The following OPCML variants were observed in gnomAD, a reference collection of about 807,000 sequenced individuals.
OPCML encodes opioid-binding protein/cell adhesion molecule.
OPCML carries 13 observed loss-of-function variants against 37.8 expected under a neutral mutation model. The observed-to-expected ratio is 0.34, with a 90% CI of 0.22 to 0.55. The LOEUF is 0.55. Among genes scored for constraint, OPCML ranks in the 20% least tolerant of loss-of-function variants. OPCML has a pLI of 0.91. For missense variants in OPCML, 341 were observed against 435.6 expected (o/e 0.78, Z 1.93); for synonymous variants, 176 against 168.8 (o/e 1.04, Z -0.33).
intron 1 of OPCML, among the ~76,000 whole-genome samples, chr11:133,204,884 A>ATATATATGTGTGTG (rs1555114211): frequency 2.8e-5 from 1 of 36,286 alleles, no homozygotes; most frequent in African/African-American, 8.5e-5. Context: ...ATATATATAT[A>ATATATATGTGTGTG]TATATATATA....
chr11:133,123,827 A>G (rs1949456537), intron 1 of OPCML, among the ~76,000 whole-genome samples: 1 of 152,088 alleles, frequency 6.6e-6, no homozygotes, highest in Non-Finnish European at 1.5e-5. Flanking sequence ...TAATTATCCT[A>G]AGTGCTGGTA....
intron 1 of OPCML, among the ~76,000 whole-genome samples, chr11:133,233,725 G>A (rs1295697123): frequency 6.6e-6 from 1 of 152,226 alleles, no homozygotes; most frequent in Admixed American, 6.5e-5. Flanking sequence ...TTCTTCCTAT[G>A]AAGCCCCTGC....
chr11:132,564,130 T>A (rs1274436430), intron 3 of OPCML, among the ~76,000 whole-genome samples: 1 of 152,220 alleles, frequency 6.6e-6, no homozygotes, highest in Non-Finnish European at 1.5e-5. Flanking sequence ...TGACGCCTGC[T>A]CTCCCGATTG....
At chr11:133,523,597 G>T (rs1242385432) in intron 1 of OPCML, among the ~76,000 whole-genome samples, 1 of 152,174 alleles carries the variant, frequency 6.6e-6, no homozygotes, top group Admixed American at 6.5e-5. Flanking sequence ...TGTAAATCAT[G>T]AATCACATCA....
intron 2 of OPCML, among the ~76,000 whole-genome samples, chr11:132,819,679 A>G (rs1287029952): frequency 6.6e-6 from 1 of 152,226 alleles, no homozygotes; most frequent in Admixed American, 6.5e-5. Context: ...ATATTTGTCT[A>G]GACATATGAT....
intron 1 of OPCML, among the ~76,000 whole-genome samples, chr11:133,350,144 G>C (rs1279127059): frequency 6.6e-6 from 1 of 152,126 alleles, no homozygotes; most frequent in African/African-American, 2.4e-5. Context: ...CTCTAAAAGG[G>C]ACAGCCCCCT....
intron 2 of OPCML, among the ~76,000 whole-genome samples, chr11:132,854,257 G>A (rs1366732743): frequency 6.6e-6 from 1 of 152,194 alleles, no homozygotes; most frequent in African/African-American, 2.4e-5. Flanking sequence ...AAGTGCCAGA[G>A]CTTCTGGCCC....
chr11:133,218,392 C>A lies in OPCML; in HGVS notation c.62-275382G>T, dbSNP rs371929676. On this transcript the variant is annotated intron_variant, in intron 1 of 7. Transcript: ENST00000524381. ...AGGGCAGTAAACGTTAAGTGATCGC[C>A]TTTAGAAAGCCAGGGAAGACTTCTT... Among the ~76,000 whole-genome samples the A allele has an allele frequency of 4.6e-5, 7 of 152,238 alleles. No homozygotes were observed. In the East Asian group the frequency reaches 7.7e-4, roughly 17 times the overall value.
chr11:132,457,362 A>G (rs1160722443), intron 4 of OPCML, among the ~76,000 whole-genome samples: 1 of 152,222 alleles, frequency 6.6e-6, no homozygotes, highest in East Asian at 1.9e-4. Context: ...CGCTTACAAT[A>G]GAGTTGTTCA....
chr11:133,495,528 G>A (rs1947766460), intron 1 of OPCML, among the ~76,000 whole-genome samples: 1 of 152,234 alleles, frequency 6.6e-6, no homozygotes, highest in South Asian at 2.1e-4. Flanking sequence ...CAGCAGTGGA[G>A]AAGCGTTCCC....
intron 4 of OPCML, among the ~76,000 whole-genome samples, chr11:132,466,755 C>G (rs2096121320): frequency 6.6e-6 from 1 of 152,140 alleles, no homozygotes; most frequent in Non-Finnish European, 1.5e-5. Context: ...CCCCAATAAG[C>G]ATTCGGGGCT....
chr11:132,758,565 G>A lies in OPCML; in HGVS notation c.147-101246C>T, dbSNP rs138285877. ...GTATTTTATTCTCTTTGTAGCTATT[G>A]TGAATGGGAGTTCACTCGTGATTTG... On this transcript the variant is annotated intron_variant, in intron 2 of 7. Coordinates refer to ENST00000524381, the MANE Select transcript of OPCML (RefSeq NM_001012393.5). Among the ~76,000 whole-genome samples, 45 of 152,218 alleles carry A rather than the reference G, an allele frequency of 3.0e-4. 1 individual carries two copies. In the East Asian group the frequency reaches 7.9e-3, roughly 27 times the overall value.
chr11:132,740,193 C>A (rs1197928760), intron 2 of OPCML, among the ~76,000 whole-genome samples: 2 of 152,150 alleles, frequency 1.3e-5, no homozygotes, highest in Non-Finnish European at 2.9e-5. Context: ...TGCATTTTAA[C>A]TGAAGGAGTG....
chr11:133,034,667 G>A (rs1947743086), intron 1 of OPCML, among the ~76,000 whole-genome samples: 1 of 152,002 alleles, frequency 6.6e-6, no homozygotes, highest in African/African-American at 2.4e-5. Context: ...CTTCCTCCAA[G>A]GAGATCTATG....
chr11:132,493,374 G>A (rs1268555428), intron 4 of OPCML, among the ~76,000 whole-genome samples: 1 of 152,204 alleles, frequency 6.6e-6, no homozygotes, highest in Non-Finnish European at 1.5e-5. Context: ...GAGGATATGT[G>A]CAAATGTTTT....
At chr11:132,534,339 C>A (rs2096334513) in intron 3 of OPCML, among the ~76,000 whole-genome samples, 1 of 152,126 alleles carries the variant, frequency 6.6e-6, no homozygotes, top group East Asian at 1.9e-4. Flanking sequence ...ATCTCTCTGG[C>A]CCACTAAACT....
intron 3 of OPCML, among the ~76,000 whole-genome samples, chr11:132,599,430 TGGAGGAGAAGGAAGGAGGAGGAAGA>T (rs1937693747): frequency 1.2e-5 from 1 of 85,018 alleles, no homozygotes; most frequent in Non-Finnish European, 2.5e-5. Flanking sequence ...AGGAAGAAGG[TGGAGGAGAAGGAAGGAGGAGGAAGA>T]GGAGGAGGAG....
chr11:133,055,413 A>G (rs1269954751), intron 1 of OPCML, among the ~76,000 whole-genome samples: 2 of 148,546 alleles, frequency 1.3e-5, no homozygotes, highest in Non-Finnish European at 3.0e-5. Context: ...AGACGCCTCT[A>G]CCGTATAATG....
intron 1 of OPCML, among the ~76,000 whole-genome samples, chr11:133,411,562 G>A (rs1038553532): frequency 2.0e-5 from 3 of 152,120 alleles, no homozygotes; most frequent in African/African-American, 7.2e-5. Flanking sequence ...CCTCAATTCT[G>A]GGTCCTGTCA....
Sources: allele counts gnomAD v4.1 joint callset (sites outside exome capture counted in the v4.1 genomes callset), GRCh38; gene constraint gnomAD v4.1.1; transcripts MANE v1.5; gene names NCBI Gene and HGNC (gene_info 2026-07-23, HGNC 2026-07-21).